AFG2A: variants seen among roughly 807,000 people sequenced by gnomAD.
AFG2A encodes ATPase family gene 2 protein homolog A.
chr4:123,062,166 CAT>C, the AFG2A span, among the ~76,000 whole-genome samples: 1 of 152,154 alleles, frequency 6.6e-6, no homozygotes, highest in South Asian at 2.1e-4. Context: ...TCAGAGAACA[CAT>C]GTGTTTAGTG....
the AFG2A span, among the ~76,000 whole-genome samples, chr4:122,980,835 A>C: frequency 6.6e-6 from 1 of 151,914 alleles, no homozygotes; most frequent in Non-Finnish European, 1.5e-5. Context: ...ATTTTTAATC[A>C]GATTGTTTGT....
At chr4:123,167,764 A>G in the AFG2A span, among the ~76,000 whole-genome samples, 55 of 152,204 alleles carry the variant, frequency 3.6e-4, no homozygotes, top group African/African-American at 1.3e-3. Flanking sequence ...AAATGCTGCC[A>G]CCTTCCATGG....
the AFG2A span, among the ~76,000 whole-genome samples, chr4:123,024,226 G>GC: frequency 1.1e-4 from 3 of 28,290 alleles, no homozygotes; most frequent in Non-Finnish European, 3.6e-4. Flanking sequence ...CAGACTATAA[G>GC]CAAAAAAAAA....
the AFG2A span, among the ~76,000 whole-genome samples, chr4:123,021,882 G>A: frequency 2.3e-4 from 35 of 151,874 alleles, no homozygotes; most frequent in Non-Finnish European, 4.0e-4. Context: ...AAATAATGCC[G>A]CATATCTACA....
At chr4:123,184,575 C>T in the AFG2A span, among the ~76,000 whole-genome samples, 172 of 118,812 alleles carry the variant, frequency 1.4e-3, no homozygotes, top group Non-Finnish European at 2.5e-3. Flanking sequence ...CTCGCTCTGT[C>T]GCCCAGGCTG....
chr4:123,031,166 T>C, the AFG2A span, among the ~76,000 whole-genome samples: 3 of 152,158 alleles, frequency 2.0e-5, no homozygotes, highest in African/African-American at 4.8e-5. Context: ...TTCTCTTTTT[T>C]TTTGAGACAG....
At chr4:123,001,251 C>T in the AFG2A span, among the ~76,000 whole-genome samples, 1 of 152,234 alleles carries the variant, frequency 6.6e-6, no homozygotes, top group South Asian at 2.1e-4. Context: ...CTTCCAAAAA[C>T]CAGCTCCTGG....
At chr4:123,181,363 G>T in the AFG2A span, among the ~76,000 whole-genome samples, 1 of 151,846 alleles carries the variant, frequency 6.6e-6, no homozygotes, top group Non-Finnish European at 1.5e-5. Context: ...TGGTAGTTCC[G>T]GCACTTTGGG....
At chr4:123,273,573 A>T in the AFG2A span, among the ~76,000 whole-genome samples, 1 of 152,174 alleles carries the variant, frequency 6.6e-6, no homozygotes, top group African/African-American at 2.4e-5. Flanking sequence ...GATTGAGTAT[A>T]CAAGTTGAAC....
the AFG2A span, among the ~76,000 whole-genome samples, chr4:123,094,980 C>T: frequency 1.4e-5 from 2 of 147,040 alleles, no homozygotes; most frequent in African/African-American, 5.0e-5. Context: ...GACAAGAATC[C>T]ACCATGCAAG....
chr4:123,029,225 A>G, the AFG2A span, among the ~76,000 whole-genome samples: 126,663 of 152,084 alleles, frequency 0.83, 53,907 homozygotes, highest in East Asian at 0.97. Context: ...AGCCTCCCGA[A>G]TAGCTGGGAC....
the AFG2A span, among the ~76,000 whole-genome samples, chr4:123,235,482 A>G: frequency 7.8e-3 from 1,184 of 152,290 alleles, 7 homozygotes; most frequent in Non-Finnish European, 0.012. Flanking sequence ...TCTGCCCTGT[A>G]CTAGATGGAG....
the AFG2A span, among the ~76,000 whole-genome samples, chr4:122,972,554 A>G: frequency 8.9e-6 from 1 of 112,654 alleles, no homozygotes; most frequent in Non-Finnish European, 1.9e-5. Context: ...TTTTTTTTTT[A>G]TCTACATTAA....
chr4:123,170,718 T>C, the AFG2A span, among the ~76,000 whole-genome samples: 1 of 152,204 alleles, frequency 6.6e-6, no homozygotes, highest in Admixed American at 6.5e-5. Context: ...AACAGCTTTT[T>C]TCCCCAGAGT....
At chr4:122,986,958 C>G in the AFG2A span, among the ~76,000 whole-genome samples, 161 of 152,112 alleles carry the variant, frequency 1.1e-3, no homozygotes, top group African/African-American at 3.6e-3. Flanking sequence ...GTATGTTACT[C>G]CCTTCGGTTC....
chr4:123,226,531 G>T, the AFG2A span, among the ~76,000 whole-genome samples: 3 of 152,146 alleles, frequency 2.0e-5, no homozygotes, highest in Admixed American at 6.5e-5. Flanking sequence ...TGTGTATGTT[G>T]AACCAGCCTT....
chr4:123,224,545 A>AT, the AFG2A span, among the ~76,000 whole-genome samples: 3 of 152,084 alleles, frequency 2.0e-5, no homozygotes, highest in African/African-American at 7.2e-5. Flanking sequence ...TGAACTCATC[A>AT]TTTTTTATGG....
the AFG2A span, among the ~76,000 whole-genome samples, chr4:123,150,520 A>G: frequency 2.0e-5 from 3 of 152,200 alleles, no homozygotes; most frequent in African/African-American, 7.2e-5. Context: ...TCCCATTCAC[A>G]ATTGCTAAAA....
At chr4:122,927,079 GCC>G in the AFG2A span, among the ~76,000 whole-genome samples, 2 of 152,160 alleles carry the variant, frequency 1.3e-5, no homozygotes, top group African/African-American at 4.8e-5. Flanking sequence ...TTGTTAACTG[GCC>G]TGAATTCTGG....
Sources: gnomAD v4.1 joint callset for allele counts (sites outside exome capture counted in the v4.1 genomes callset) on GRCh38, gnomAD v4.1.1 for gene constraint, MANE v1.5 for transcripts, NCBI Gene and HGNC (gene_info 2026-07-23, HGNC 2026-07-21) for gene names.